GTSF1: variants seen among roughly 807,000 people sequenced by gnomAD.
GTSF1 encodes gametocyte-specific factor 1.
A neutral mutation model predicts 28.9 loss-of-function variants in GTSF1; 11 were observed. The observed-to-expected ratio is 0.38, with a 90% CI of 0.24 to 0.63. The LOEUF (loss-of-function observed/expected upper bound fraction) is 0.63, where lower values mean the gene tolerates loss of function less well. Ranked by LOEUF, GTSF1 falls within the 30% of genes least tolerant of loss-of-function variation. GTSF1 has a pLI of 0.56. For synonymous variants in GTSF1, 69 were observed against 65.6 expected, an observed-to-expected ratio of 1.05 and a Z score of -0.25; for missense variants, 146 against 201.0, an observed-to-expected ratio of 0.73 and a Z score of 1.66.
intron 2 of GTSF1, among the ~76,000 whole-genome samples, chr12:54,465,519 T>C (rs1427884503): frequency 6.6e-6 from 1 of 152,166 alleles, no homozygotes; most frequent in Non-Finnish European, 1.5e-5. Context: ...CTAGCTAGTC[T>C]ATCCAGAGCC....
At chr12:54,472,518 CT>C (rs1450577808) in intron 1 of GTSF1, 1 of 152,160 alleles carries the variant, frequency 6.6e-6, no homozygotes, top group Non-Finnish European at 1.5e-5. Flanking sequence ...AGTTTGAATC[CT>C]TTTCTATTAG....
chr12:54,461,373 C>T (rs1199156040), intron 6 of GTSF1, among the ~76,000 whole-genome samples: 2 of 152,034 alleles, frequency 1.3e-5, no homozygotes, highest in African/African-American at 2.4e-5. Flanking sequence ...ATGAGCTACT[C>T]TGTGCCTGGC....
At chr12:54,464,299 G>C (rs1198771449) in intron 3 of GTSF1, among the ~76,000 whole-genome samples, 1 of 152,194 alleles carries the variant, frequency 6.6e-6, no homozygotes, top group African/African-American at 2.4e-5. Flanking sequence ...ATACTGTCCA[G>C]GTTTAATGTT....
chr12:54,460,397 T>TA lies in GTSF1; in HGVS notation c.466dup (p.Tyr156LeufsTer47). 6.2e-7 allele frequency: 1 copy of TA among 1,613,400 alleles called. No individual in the cohort carries two copies. The highest frequency in any genetic ancestry group is 8.5e-7 in the Non-Finnish European group (1 of 1,179,362). On this transcript the variant is annotated frameshift_variant, in exon 7 of 9. Transcript: ENST00000305879. LOFTEE classifies it high-confidence loss of function. ...CTTACTGTTTTTCCATGGCAGAACA[T>TA]ACGGCAGAGATTTGGGAACTCGCAT...
intron 2 of GTSF1, 138 bp from the exon 3 acceptor site, chr12:54,465,305 A>G: frequency 4.0e-6 from 2 of 499,680 alleles, no homozygotes; most frequent in East Asian, 6.1e-5. Flanking sequence ...GGATTAAAAA[A>G]AAAGGGTGAC....
chr12:54,462,494 C>A (rs1275935378), intron 5 of GTSF1, 148 bp downstream of exon 5: 8 of 690,368 alleles, frequency 1.2e-5, no homozygotes, highest in Admixed American at 2.5e-5. Context: ...CACAGCGATA[C>A]AAATGTGCTC....
rs745692312 is a variant in GTSF1, at chr12:54,459,141, T to C, written c.488-16A>G. 4 of 1,600,876 alleles carry C rather than the reference T, an allele frequency of 2.5e-6. No individual in the cohort carries two copies. The highest frequency in any genetic ancestry group is 2.2e-5 in the South Asian group (2 of 89,810). On this transcript the variant is annotated splice_polypyrimidine_tract_variant and intron_variant, in intron 7 of 8. Coordinates refer to ENST00000305879, the MANE Select transcript of GTSF1 (RefSeq NM_144594.3). ...GCATTTCCATCTACAAGTAGAAATATTTCAAAATAAATACACCATGTCAAT... is the reference window on the plus strand; with the variant it reads ...GCATTTCCATCTACAAGTAGAAATACTTCAAAATAAATACACCATGTCAAT...
At chr12:54,473,354 T>C (rs934509576) in intron 1 of GTSF1, among the ~76,000 whole-genome samples, 192 bp downstream of exon 1, 13 of 151,574 alleles carry the variant, frequency 8.6e-5, no homozygotes, top group African/African-American at 3.1e-4. Context: ...AAAAAAAACA[T>C]AGAAAAGGCG....
intron 7 of GTSF1, among the ~76,000 whole-genome samples, chr12:54,459,796 G>A (rs1301212575): frequency 7.3e-6 from 1 of 137,042 alleles, no homozygotes; most frequent in East Asian, 2.1e-4. Context: ...GCGGGATCTC[G>A]GCTCACTGCA....
In GTSF1 at chr12:54,457,920, G is replaced by C. The variant is rs1216349509; in HGVS notation, c.*20+1169C>G. On this transcript the variant is annotated intron_variant, in intron 8 of 8. Coordinates refer to ENST00000305879, the MANE Select transcript of GTSF1 (RefSeq NM_144594.3). ...ATAAGTATTATTGTCTATAGCTAAG[G>C]GATGTTAACTTTTAGCATCTCTTTT... Among the ~76,000 whole-genome samples the C allele has an allele frequency of 2.0e-5, 3 of 152,256 alleles. No individual in the cohort carries two copies. In the East Asian group the frequency reaches 5.8e-4, roughly 29 times the overall value.
intron 2 of GTSF1, among the ~76,000 whole-genome samples, chr12:54,466,121 A>T (rs554292774): frequency 1.3e-5 from 2 of 152,356 alleles, no homozygotes; most frequent in African/African-American, 4.8e-5. Flanking sequence ...AACAACCCTT[A>T]GGCTATACAA....
intron 7 of GTSF1, among the ~76,000 whole-genome samples, chr12:54,459,901 T>C (rs1434126833): frequency 7.0e-6 from 1 of 143,320 alleles, no homozygotes; most frequent in Non-Finnish European, 1.5e-5. Flanking sequence ...TAATTTTTTG[T>C]ATTTTTAGTA....
In GTSF1 at chr12:54,468,445, A is replaced by G. The variant is rs116777962; in HGVS notation, c.16+2788T>C. 3.5e-3 allele frequency among the ~76,000 whole-genome samples: 526 copies of G among 152,298 alleles called. 4 individuals carry two copies. Among genetic ancestry groups the G allele is most frequent in the African/African-American group, 0.012 (497 of 41,554 alleles). ...CAATGTATGAGTATTTCTCTTGGAT[A>G]AACACCTAAGAGTATTGCATTGAAG... On this transcript the variant is annotated intron_variant, in intron 2 of 8. Transcript: ENST00000305879.
Position 54,471,294 on chromosome 12 carries a change from T to A in GTSF1, c.-29-17A>T. The A allele has an allele frequency of 6.4e-7, 1 of 1,564,418 alleles. No homozygotes were observed. The highest frequency in any genetic ancestry group is 8.7e-7 in the Non-Finnish European group (1 of 1,152,580). ...ATCCAAGTGCTGGAAAAAACAAAAGTGTGATTCAGGAAATCAGAAATAAAA... is the reference window on the plus strand; with the variant it reads ...ATCCAAGTGCTGGAAAAAACAAAAGAGTGATTCAGGAAATCAGAAATAAAA... On this transcript the variant is annotated splice_polypyrimidine_tract_variant and intron_variant, in intron 1 of 8. Coordinates refer to ENST00000305879, the MANE Select transcript of GTSF1 (RefSeq NM_144594.3).
At chr12:54,460,871 A>G (rs1956410464) in intron 6 of GTSF1, among the ~76,000 whole-genome samples, 1 of 152,246 alleles carries the variant, frequency 6.6e-6, no homozygotes, top group Non-Finnish European at 1.5e-5. Flanking sequence ...AACGGAATTC[A>G]TTTTAAGTTT....
intron 1 of GTSF1, 29 bp from the exon 2 acceptor site, chr12:54,471,306 A>G: frequency 6.6e-7 from 1 of 1,511,856 alleles, no homozygotes; most frequent in Non-Finnish European, 9.0e-7. Flanking sequence ...TGATTCAGGA[A>G]ATCAGAAATA....
rs536170023 is a variant in GTSF1, at chr12:54,460,636, T to C, written c.393-165A>G. Among the ~76,000 whole-genome samples the C allele has an allele frequency of 3.9e-5, 6 of 152,344 alleles. No homozygotes were observed. The South Asian group carries it at 1.2e-3, about 32-fold the overall frequency. On this transcript the variant is annotated intron_variant, in intron 6 of 8. Coordinates refer to ENST00000305879, the MANE Select transcript of GTSF1 (RefSeq NM_144594.3). ...AAAACGTTCCGGCAATTAGAATGAT[T>C]ACCACTTACTTCTCTGGAAAGCTCC...
In GTSF1 at chr12:54,471,223, G is replaced by A; in HGVS notation, c.16+10C>T. 6.3e-7 allele frequency: 1 copy of A among 1,582,970 alleles called. No individual in the cohort carries two copies. The highest frequency in any genetic ancestry group is 2.3e-5 in the East Asian group (1 of 43,672). ...TAACTTATTTTCTAAAAGCAACAAG[G>A]AGTACATACTGTAAGTTTCTTCCAT... On this transcript the variant is annotated intron_variant, in intron 2 of 8. Coordinates refer to ENST00000305879, the MANE Select transcript of GTSF1 (RefSeq NM_144594.3).
chr12:54,463,406 C>T, intron 3 of GTSF1, 109 bp from the exon 4 acceptor site: 1 of 973,758 alleles, frequency 1.0e-6, no homozygotes, highest in Non-Finnish European at 1.6e-6. Flanking sequence ...CCTCAATAAA[C>T]TTCTGGCTTA....
Sources: gnomAD v4.1 joint callset for allele counts (sites outside exome capture counted in the v4.1 genomes callset) on GRCh38, gnomAD v4.1.1 for gene constraint, MANE v1.5 for transcripts, NCBI Gene and HGNC (gene_info 2026-07-23, HGNC 2026-07-21) for gene names.